The following THSD4 variants were observed in gnomAD, a reference collection of about 807,000 sequenced individuals.
The protein encoded by THSD4 is thrombospondin type 1 domain containing 4.
Under a neutral mutation model 119.0 loss-of-function variants are expected in THSD4, and 69 were observed. The ratio of observed to expected loss-of-function variants is 0.58; its 90% CI spans 0.48 to 0.71. THSD4 has a LOEUF of 0.71. Ranked by LOEUF, THSD4 falls within the 30% of genes least tolerant of loss-of-function variation. The probability of loss-of-function intolerance (pLI) is 0.00; values close to 1 mark genes in which losing one functional copy is unlikely to be tolerated. For missense variants in THSD4, 1,393 were observed against 1,391.1 expected (o/e 1.00, Z -0.02); for synonymous variants, 524 against 540.4 (o/e 0.97, Z 0.42).
chr15:71,666,685 G>C (rs1036285767), intron 8 of THSD4, among the ~76,000 whole-genome samples: 3 of 151,994 alleles, frequency 2.0e-5, no homozygotes, highest in Non-Finnish European at 2.9e-5. Flanking sequence ...ACTTACTGAA[G>C]GTATAATTAT....
chr15:71,712,780 A>G (rs1447082079), intron 8 of THSD4, among the ~76,000 whole-genome samples: 10 of 152,176 alleles, frequency 6.6e-5, no homozygotes, highest in African/African-American at 1.2e-4. Context: ...GATACACACA[A>G]CATGGATTAA....
intron 7 of THSD4, among the ~76,000 whole-genome samples, chr15:71,619,465 C>G (rs2050381826): frequency 6.6e-6 from 1 of 152,166 alleles, no homozygotes; most frequent in Non-Finnish European, 1.5e-5. Context: ...GGGGCAGAGG[C>G]ACCGGGAGAG....
chr15:71,317,834 C>T (rs2045210670), intron 6 of THSD4, among the ~76,000 whole-genome samples: 2 of 152,182 alleles, frequency 1.3e-5, no homozygotes, highest in African/African-American at 2.4e-5. Flanking sequence ...CATCTGTAAA[C>T]ATGGAGAAAT....
At chr15:71,106,467 C>T (rs1330468099) in intron 1 of THSD4, among the ~76,000 whole-genome samples, 2 of 152,110 alleles carry the variant, frequency 1.3e-5, no homozygotes, top group African/African-American at 4.8e-5. Context: ...TTTCCTGATT[C>T]TGGCCCCTGG....
At chr15:71,413,706 T>C (rs1184105401) in intron 7 of THSD4, among the ~76,000 whole-genome samples, 1 of 152,190 alleles carries the variant, frequency 6.6e-6, no homozygotes, top group Non-Finnish European at 1.5e-5. Flanking sequence ...ATGAAGTATC[T>C]TTGGAAGAGC....
chr15:71,180,606 C>T (rs962890565), intron 3 of THSD4, among the ~76,000 whole-genome samples: 12 of 152,156 alleles, frequency 7.9e-5, no homozygotes, highest in Middle Eastern at 3.2e-3. Context: ...AAATGAACTA[C>T]TGATATAAGC....
intron 7 of THSD4, among the ~76,000 whole-genome samples, chr15:71,474,982 G>T (rs1445232182): frequency 2.6e-5 from 4 of 152,274 alleles, no homozygotes; most frequent in Non-Finnish European, 5.9e-5. Flanking sequence ...GTTAGGAATG[G>T]ACATTTCCAG....
chr15:71,495,125 G>GT (rs1292047460), intron 7 of THSD4, among the ~76,000 whole-genome samples: 1 of 152,240 alleles, frequency 6.6e-6, no homozygotes, highest in East Asian at 1.9e-4. Flanking sequence ...CTAAGTCACA[G>GT]TTTCCTCGAA....
At chr15:71,329,187 A>G (rs933100707) in intron 6 of THSD4, among the ~76,000 whole-genome samples, 12 of 152,162 alleles carry the variant, frequency 7.9e-5, no homozygotes, top group Non-Finnish European at 1.6e-4. Context: ...GGAGCTAAGA[A>G]TATTCCCAGC....
rs763211762 is a variant in THSD4, at chr15:71,757,984, G to T, written c.2498G>T (p.Gly833Val). The part of the protein sequence containing the change: ...TNHVSSLPLE[G>V]CGNNRPAEAT... The stretch of plus-strand genomic sequence containing the variant: ...CATGTCAGCAGCCTGCCCCTGGAGG[G>T]CTGTGGGAACAACCGGCCGGCAGAG... The change falls in exon 15 of 18, where the codon GGC becomes GTC. Residue 833 changes from glycine to valine, a missense_variant. Coordinates refer to ENST00000261862, the MANE Select transcript of THSD4 (RefSeq NM_024817.3). 6.2e-7 allele frequency: 1 copy of T among 1,614,042 alleles called. No homozygotes were observed. The highest frequency in any genetic ancestry group is 8.5e-7 in the Non-Finnish European group (1 of 1,180,046).
chr15:71,605,966 C>T (rs2050102631), intron 7 of THSD4, among the ~76,000 whole-genome samples: 1 of 152,084 alleles, frequency 6.6e-6, no homozygotes, highest in African/African-American at 2.4e-5. Flanking sequence ...GTGAGCTGTG[C>T]CTGAGGCTAC....
At chr15:71,412,998 T>C (rs2046710364) in intron 7 of THSD4, among the ~76,000 whole-genome samples, 1 of 152,080 alleles carries the variant, frequency 6.6e-6, no homozygotes, top group Non-Finnish European at 1.5e-5. Context: ...TACTCTTTTA[T>C]TTTATTTTAT....
chr15:71,184,163 G>C (rs563829069), intron 3 of THSD4: 1 of 151,832 alleles, frequency 6.6e-6, no homozygotes, highest in Non-Finnish European at 1.5e-5. Context: ...TTCTGTAGTA[G>C]GAGGGGCTCC....
intron 1 of THSD4, among the ~76,000 whole-genome samples, chr15:71,138,841 C>T (rs1395999196): frequency 1.3e-5 from 2 of 151,254 alleles, no homozygotes; most frequent in African/African-American, 2.4e-5. Flanking sequence ...AGTTCTCCAG[C>T]ATCGAGGCTG....
intron 17 of THSD4, 79 bp downstream of exon 17, chr15:71,771,287 C>A: frequency 6.4e-7 from 1 of 1,556,740 alleles, no homozygotes. Context: ...CAATAACAAG[C>A]CTCTTCTAGG....
chr15:71,227,842 G>T (rs1253395800), intron 4 of THSD4, among the ~76,000 whole-genome samples: 2 of 152,208 alleles, frequency 1.3e-5, no homozygotes, highest in Non-Finnish European at 2.9e-5. Flanking sequence ...CTGCCTGTTG[G>T]TTCTCAGGAT....
intron 3 of THSD4, among the ~76,000 whole-genome samples, chr15:71,210,896 CT>C (rs1209714527): frequency 1.3e-5 from 2 of 151,988 alleles, no homozygotes; most frequent in Admixed American, 1.3e-4. Context: ...AGGTTGCTTC[CT>C]TTTTTTACTG....
intron 8 of THSD4, among the ~76,000 whole-genome samples, chr15:71,709,704 G>A (rs139399532): frequency 1.1e-4 from 16 of 152,300 alleles, no homozygotes; most frequent in Admixed American, 1.3e-4. Flanking sequence ...AGAGCACTGG[G>A]TGGACACATG....
chr15:71,384,901 G>C (rs193240101), intron 6 of THSD4, among the ~76,000 whole-genome samples: 1 of 152,164 alleles, frequency 6.6e-6, no homozygotes, highest in Non-Finnish European at 1.5e-5. Flanking sequence ...TGTTGGCCTT[G>C]GCTCTCAGAT....
Sources: gnomAD v4.1 joint callset for allele counts (sites outside exome capture counted in the v4.1 genomes callset) on GRCh38, gnomAD v4.1.1 for gene constraint, MANE v1.5 for transcripts, NCBI Gene and HGNC (gene_info 2026-07-23, HGNC 2026-07-21) for gene names.